PEX14: variants seen among roughly 807,000 people sequenced by gnomAD.
The protein encoded by PEX14 is peroxisomal membrane protein PEX14.
A neutral mutation model predicts 49.5 loss-of-function variants in PEX14; 15 were observed. The observed-to-expected ratio is 0.30, with a 90% CI of 0.20 to 0.47. PEX14 has a LOEUF of 0.47. PEX14 is among the 20% of genes least tolerant of loss of function. PEX14 has a pLI of 1.00. For synonymous variants in PEX14, 210 were observed against 212.7 expected (o/e 0.99, Z 0.11); for missense variants, 398 against 494.8 (o/e 0.80, Z 1.86).
intron 2 of PEX14, among the ~76,000 whole-genome samples, chr1:10,532,164 G>A (rs1228803320): frequency 6.6e-6 from 1 of 152,152 alleles, no homozygotes; most frequent in Non-Finnish European, 1.5e-5. Flanking sequence ...TTTTCAACCT[G>A]AAGTCCCCCC....
At chr1:10,501,679 A>C (rs367947221) in intron 2 of PEX14, among the ~76,000 whole-genome samples, 1 of 152,210 alleles carries the variant, frequency 6.6e-6, no homozygotes, top group African/African-American at 2.4e-5. Context: ...CTTTGGAAGG[A>C]AGAGGCGGGA....
chr1:10,515,902 C>G (rs1376344209), intron 2 of PEX14, among the ~76,000 whole-genome samples: 1 of 152,106 alleles, frequency 6.6e-6, no homozygotes, highest in Non-Finnish European at 1.5e-5. Flanking sequence ...GAAACGATAT[C>G]CTATATTAGC....
intron 4 of PEX14, among the ~76,000 whole-genome samples, chr1:10,612,913 G>A (rs370061074): frequency 2.6e-5 from 4 of 152,218 alleles, no homozygotes; most frequent in Admixed American, 6.5e-5. Context: ...GCCTGGAGGC[G>A]ACCTCAATGG....
At chr1:10,577,539 T>TATATATATATATATATATTATAC in intron 3 of PEX14, among the ~76,000 whole-genome samples, 1 of 2,434 alleles carries the variant, frequency 4.1e-4, no homozygotes, top group African/African-American at 6.7e-4. Context: ...CATATATATA[T>TATATATATATATATATATTATAC]ATATATATAT....
Position 10,531,176 on chromosome 1 carries a change from G to A in PEX14, c.85-5037G>A, listed in dbSNP as rs138729844. Reference sequence around the variant, plus strand: ...CTCTGCCTGGAATCTCAAGGAACACGGCCTCTTTAGTGAGATATATAGCTT... The same window carrying A: ...CTCTGCCTGGAATCTCAAGGAACACAGCCTCTTTAGTGAGATATATAGCTT... On this transcript the variant is annotated intron_variant, in intron 2 of 8. Coordinates refer to ENST00000356607, the MANE Select transcript of PEX14 (RefSeq NM_004565.3). Among the ~76,000 whole-genome samples, 309 of 152,284 alleles carry A rather than the reference G, an allele frequency of 2.0e-3. 2 individuals are homozygous for A. The highest frequency in any genetic ancestry group is 4.0e-3 in the Non-Finnish European group (270 of 68,034).
chr1:10,530,641 C>A (rs1251222563), intron 2 of PEX14, among the ~76,000 whole-genome samples: 1 of 152,218 alleles, frequency 6.6e-6, no homozygotes, highest in Non-Finnish European at 1.5e-5. Flanking sequence ...GCTGACCGAG[C>A]CTTCCTCTGC....
At position 10,495,102 on chromosome 1, in the gene PEX14, G is replaced by A. The variant is rs374939702; in HGVS notation, c.37-172G>A. ...TTCCCTGGTGAATTCAGACTCTTTGGGCTACTTTTTACAGGTAGTCCACTG... is the reference window on the plus strand; with the variant it reads ...TTCCCTGGTGAATTCAGACTCTTTGAGCTACTTTTTACAGGTAGTCCACTG... On this transcript the variant is annotated intron_variant, in intron 1 of 8. Coordinates refer to ENST00000356607, the MANE Select transcript of PEX14 (RefSeq NM_004565.3). This position sits in a 1 kb window ranked among gnomAD's most constrained non-coding sequence, Gnocchi z 4.2. The A allele has an allele frequency of 2.0e-6, 2 of 984,844 alleles. No homozygotes were observed. The highest frequency in any genetic ancestry group is 3.5e-5 in the African/African-American group (2 of 57,182). The allele number at this position is 984,844 out of a possible 1,614,324, so 61.0% of individuals were successfully genotyped here.
chr1:10,571,891 A>G (rs1053801991), intron 3 of PEX14, among the ~76,000 whole-genome samples: 1 of 152,208 alleles, frequency 6.6e-6, no homozygotes, highest in Admixed American at 6.5e-5. Context: ...AAAAATTTTC[A>G]GTTTTTGAAT....
chr1:10,527,735 G>A (rs866956856), intron 2 of PEX14, among the ~76,000 whole-genome samples: 7 of 151,848 alleles, frequency 4.6e-5, no homozygotes, highest in Non-Finnish European at 8.8e-5. Context: ...GTGCAGTGGT[G>A]CGATCTTGGT....
intron 1 of PEX14, among the ~76,000 whole-genome samples, chr1:10,481,694 C>T (rs1641286320): frequency 6.6e-6 from 1 of 151,956 alleles, no homozygotes; most frequent in Non-Finnish European, 1.5e-5. Flanking sequence ...ACCTCAGTCT[C>T]CCAGGCTTCT....
At chr1:10,535,100 C>T (rs1001171206) in intron 2 of PEX14, among the ~76,000 whole-genome samples, 10 of 152,194 alleles carry the variant, frequency 6.6e-5, no homozygotes, top group African/African-American at 2.4e-4. Flanking sequence ...AACTCAGGGC[C>T]TGTTGACTTT....
intron 3 of PEX14, among the ~76,000 whole-genome samples, chr1:10,566,381 G>A (rs1190605306): frequency 6.6e-6 from 1 of 152,108 alleles, no homozygotes; most frequent in African/African-American, 2.4e-5. Flanking sequence ...CCCATGTCTG[G>A]GATTTGTGTT....
In PEX14 at chr1:10,548,918, A is replaced by G. The variant is rs1231618251; in HGVS notation, c.169+12621A>G. Among the ~76,000 whole-genome samples, 3 of 152,202 alleles carry G rather than the reference A, an allele frequency of 2.0e-5. No individual in the cohort carries two copies. The East Asian group carries it at 5.8e-4, about 29-fold the overall frequency. ...CCTCAGAACTCTCCCCTCTCATCAG[A>G]CAGAGGACTTGGGCATGCTCTAATC... On this transcript the variant is annotated intron_variant, in intron 3 of 8. Coordinates refer to ENST00000356607, the MANE Select transcript of PEX14 (RefSeq NM_004565.3).
At chr1:10,536,809 G>A (rs1427847329) in intron 3 of PEX14, among the ~76,000 whole-genome samples, 3 of 152,170 alleles carry the variant, frequency 2.0e-5, no homozygotes, top group Non-Finnish European at 4.4e-5. Flanking sequence ...CTGTAAACAG[G>A]GATAAAGTGG....
chr1:10,504,501 C>T (rs1238000759), intron 2 of PEX14, among the ~76,000 whole-genome samples: 1 of 152,182 alleles, frequency 6.6e-6, no homozygotes, highest in African/African-American at 2.4e-5. Context: ...CCTGGGGGCA[C>T]AGCTCTCCTG....
chr1:10,565,652 T>G (rs899427711), intron 3 of PEX14, among the ~76,000 whole-genome samples: 2 of 152,260 alleles, frequency 1.3e-5, no homozygotes, highest in African/African-American at 4.8e-5. Context: ...ATTAGGAGAT[T>G]AATGTTTTAA....
At chr1:10,515,772 TG>T (rs1641959126) in intron 2 of PEX14, among the ~76,000 whole-genome samples, 1 of 152,192 alleles carries the variant, frequency 6.6e-6, no homozygotes, top group Non-Finnish European at 1.5e-5. Flanking sequence ...AAAAAGGAAG[TG>T]GCTGCTCCTT....
chr1:10,587,853 T>C (rs1463789022), intron 3 of PEX14, among the ~76,000 whole-genome samples: 1 of 150,018 alleles, frequency 6.7e-6, no homozygotes, highest in Non-Finnish European at 1.5e-5. Context: ...GTGCTATCAT[T>C]GTATAAAAAT....
chr1:10,487,870 T>A (rs1167413210), intron 1 of PEX14, among the ~76,000 whole-genome samples: 1 of 152,120 alleles, frequency 6.6e-6, no homozygotes, highest in Non-Finnish European at 1.5e-5. Flanking sequence ...AACTTCTGCC[T>A]CCTGGGTTCA....
Sources: allele counts gnomAD v4.1 joint callset (sites outside exome capture counted in the v4.1 genomes callset), GRCh38; gene constraint gnomAD v4.1.1; non-coding constraint Gnocchi (gnomAD v3.1); transcripts MANE v1.5; gene names NCBI Gene and HGNC (gene_info 2026-07-23, HGNC 2026-07-21).